KIRREL2: variants seen among roughly 807,000 people sequenced by gnomAD.
KIRREL2 encodes the protein kin of IRRE-like protein 2.
In KIRREL2, 56 loss-of-function variants were observed where a neutral mutation model predicts 73.4. That is an observed-to-expected ratio of 0.76 (90% CI 0.62 to 0.95). KIRREL2 has a LOEUF of 0.95. KIRREL2 is among the 40% of genes least tolerant of loss of function. The probability of loss-of-function intolerance (pLI) is 0.00; values close to 1 mark genes in which losing one functional copy is unlikely to be tolerated. For synonymous variants in KIRREL2, 407 were observed against 404.0 expected, an observed-to-expected ratio of 1.01 and a Z score of -0.09; for missense variants, 896 against 935.0, an observed-to-expected ratio of 0.96 and a Z score of 0.54.
chr19:35,854,281 C>T (rs898647162), upstream of KIRREL2, among the ~76,000 whole-genome samples: 2 of 152,156 alleles, frequency 1.3e-5, no homozygotes, highest in South Asian at 2.1e-4. Context: ...CATGAGCCAC[C>T]GCACCTGGCC....
At chr19:35,851,634 C>T, upstream of KIRREL2, 1 of 1,613,898 alleles carries the variant, frequency 6.2e-7, no homozygotes, top group African/African-American at 1.3e-5. Context: ...GCCCAGAAGC[C>T]CCGGGGAACG....
upstream of KIRREL2, among the ~76,000 whole-genome samples, chr19:35,854,488 A>C (rs1187360740): frequency 6.6e-6 from 1 of 150,822 alleles, no homozygotes; most frequent in Non-Finnish European, 1.5e-5. Context: ...CGCCTGGCTA[A>C]TTTTTTGTAT....
At chr19:35,855,339 C>T (rs73928335), upstream of KIRREL2, among the ~76,000 whole-genome samples, 1,267 of 152,122 alleles carry the variant, frequency 8.3e-3, 12 homozygotes, top group African/African-American at 0.028. Context: ...TGTTTTCCTT[C>T]TCTGCATGCT....
upstream of KIRREL2, among the ~76,000 whole-genome samples, chr19:35,855,694 C>T (rs1157835533): frequency 6.8e-6 from 1 of 148,034 alleles, no homozygotes; most frequent in Non-Finnish European, 1.5e-5. Context: ...CACACACACA[C>T]ACACACACAC....
rs77377154 is a variant in KIRREL2 at position 35,863,027 on chromosome 19, C to G, written c.1716C>G (p.Arg572=). The G allele has an allele frequency of 5.3e-4, 831 of 1,573,792 alleles. 1 individual carries two copies. Among genetic ancestry groups the G allele is most frequent in the Non-Finnish European group, 5.1e-4 (589 of 1,156,638 alleles). ...RGPEEEETGS[R]EDRGPIVHTD... Reference sequence around the variant, plus strand: ...CTGAAGAAGAGGAGACAGGCAGCCGCGAGGACCGGGTAGGATGCCAGGGTC... The same window carrying G: ...CTGAAGAAGAGGAGACAGGCAGCCGGGAGGACCGGGTAGGATGCCAGGGTC... Residue 572 remains arginine (R), a synonymous_variant, in exon 13 of 15, where the codon CGC becomes CGG. Transcript: ENST00000360202.
upstream of KIRREL2, chr19:35,856,638 C>T (rs1599855044): frequency 1.1e-5 from 3 of 266,976 alleles, no homozygotes; most frequent in East Asian, 2.5e-4. This position sits in a 1 kb window ranked among gnomAD's most constrained non-coding sequence, Gnocchi z 5.9. Context: ...CTTCCACTCT[C>T]TCCCTTCCCT....
Position 35,861,218 on chromosome 19 carries a change from C to A in KIRREL2, c.1153C>A (p.Arg385=). Residue 385 remains arginine (R), a synonymous_variant, in exon 9 of 15, where the codon CGG becomes AGG. Coordinates refer to ENST00000360202, the MANE Select transcript of KIRREL2 (RefSeq NM_199180.4). ...AGCTGAGGCTGGGCTATCGGGCCTG[C>A]GGGGCGGCGCCGCGGAGGCTCGGCT... ...CRAEAGLSGL[R]GGAAEARLTV... is the part of the protein sequence containing the mutation. 1.3e-6 allele frequency: 2 copies of A among 1,535,798 alleles called. No homozygotes were observed. Among genetic ancestry groups the A allele is most frequent in the Non-Finnish European group, 1.7e-6 (2 of 1,150,060 alleles).
At chr19:35,866,001 C>T (rs548737907) in intron 14 of KIRREL2, among the ~76,000 whole-genome samples, 156 bp from the exon 15 acceptor site, 90 of 152,284 alleles carry the variant, frequency 5.9e-4, no homozygotes, top group African/African-American at 2.1e-3. Context: ...CTCACTTTCT[C>T]TCTCTCCCAG....
At chr19:35,858,315 G>A (rs952641697) in intron 2 of KIRREL2, 93 bp from the exon 3 acceptor site, 54 of 1,448,686 alleles carry the variant, frequency 3.7e-5, no homozygotes, top group South Asian at 1.2e-5. Context: ...CAAATGTGTG[G>A]GCCAGTTTTC....
chr19:35,853,291 C>T (rs1048717536), upstream of KIRREL2, among the ~76,000 whole-genome samples: 13 of 152,108 alleles, frequency 8.5e-5, no homozygotes, highest in African/African-American at 3.1e-4. Flanking sequence ...GTGTGTGTGA[C>T]AGTGTCTTAC....
In KIRREL2 at chr19:35,861,220, G is replaced by A. The variant is rs1348896699; in HGVS notation, c.1155G>A (p.Arg385=). ...CTGAGGCTGGGCTATCGGGCCTGCGGGGCGGCGCCGCGGAGGCTCGGCTGA... is the reference window on the plus strand; with the variant it reads ...CTGAGGCTGGGCTATCGGGCCTGCGAGGCGGCGCCGCGGAGGCTCGGCTGA... ...CRAEAGLSGL[R]GGAAEARLTV... Residue 385 remains arginine, a synonymous_variant, in exon 9 of 15, where the codon CGG becomes CGA. Coordinates refer to ENST00000360202, the MANE Select transcript of KIRREL2 (RefSeq NM_199180.4). The A allele has an allele frequency of 1.3e-6, 2 of 1,538,252 alleles. No individual in the cohort carries two copies. Among genetic ancestry groups the A allele is most frequent in the African/African-American group, 1.4e-5 (1 of 72,156 alleles).
At chr19:35,856,805 T>G, upstream of KIRREL2, 1 of 431,668 alleles carries the variant, frequency 2.3e-6, no homozygotes, top group East Asian at 4.8e-5. The surrounding 1 kb of genome is among the most constrained non-coding windows in gnomAD (Gnocchi z 5.9). Flanking sequence ...GCGTCCCCCA[T>G]TCATCCGCGT....
upstream of KIRREL2, chr19:35,851,691 G>T (rs115350784): frequency 4.2e-4 from 666 of 1,603,154 alleles, 4 homozygotes; most frequent in African/African-American, 7.8e-3. Flanking sequence ...ACAGCGCGGT[G>T]CAAGGAAAGG....
chr19:35,866,526 A>G lies in KIRREL2; in HGVS notation c.*34A>G. On this transcript the variant is annotated 3_prime_UTR_variant, in exon 15 of 15. Coordinates refer to ENST00000360202, the MANE Select transcript of KIRREL2 (RefSeq NM_199180.4). ...CAATGGAAGAGTCCTGGGATCTCCA[A>G]CTTGCCATAATGGATTGTTCTGATT... is the stretch of plus-strand genomic sequence containing the variant. 1 of 1,613,240 alleles carries G rather than the reference A, an allele frequency of 6.2e-7. No homozygotes were observed. Among genetic ancestry groups the G allele is most frequent in the Admixed American group, 1.7e-5 (1 of 59,848 alleles).
At chr19:35,860,038 G>C (rs1373187802) in intron 5 of KIRREL2, among the ~76,000 whole-genome samples, 1 of 152,172 alleles carries the variant, frequency 6.6e-6, no homozygotes, top group East Asian at 1.9e-4. Context: ...GAGCAGGAGA[G>C]GACAGACAGC....
At position 35,858,717 on chromosome 19, in the gene KIRREL2, C is replaced by T. The variant is rs778454962; in HGVS notation, c.375C>T (p.Ala125=). 10 of 1,614,096 alleles carry T rather than the reference C, an allele frequency of 6.2e-6. No individual in the cohort carries two copies. The South Asian group carries it at 9.9e-5, about 16-fold the overall frequency. The change falls in exon 4 of 15, where the codon GCC becomes GCT. Residue 125 remains alanine, a synonymous_variant. Transcript: ENST00000360202. ...TCCACCTTGCAGTCCCCCCAGAAGC[C>T]CCCCAGGTGCTGGGCGGCCCCTCTG... ...AQLHVLVPPE[A]PQVLGGPSVS... is the part of the protein sequence containing the mutation.
chr19:35,858,271 G>T (rs900276138), intron 2 of KIRREL2, 137 bp from the exon 3 acceptor site: 3 of 977,044 alleles, frequency 3.1e-6, no homozygotes, highest in African/African-American at 1.6e-5. Context: ...GTCTCTCTGG[G>T]CCCAGTACAC....
rs1274739453 is a variant in KIRREL2 at position 35,861,810 on chromosome 19, G to C, written c.1296G>C (p.Trp432Cys). ...TCCCTCTTTTGTGCCCCCAGGTCTG[G>C]TCTTGGGATGAGGGCTTCCTGGAGG... ...FASPAPDAVVWSWDEGFLEAG... is the reference protein window; with the variant it reads ...FASPAPDAVVCSWDEGFLEAG... The change falls in exon 11 of 15, where the codon TGG becomes TGC. Residue 432 changes from tryptophan to cysteine, a missense_variant. Coordinates refer to ENST00000360202, the MANE Select transcript of KIRREL2 (RefSeq NM_199180.4). 1 of 1,588,142 alleles carries C rather than the reference G, an allele frequency of 6.3e-7. No homozygotes were observed. Among genetic ancestry groups the C allele is most frequent in the Non-Finnish European group, 8.6e-7 (1 of 1,167,210 alleles).
chr19:35,854,887 G>C (rs1032624527), upstream of KIRREL2, among the ~76,000 whole-genome samples: 1 of 152,018 alleles, frequency 6.6e-6, no homozygotes, highest in Non-Finnish European at 1.5e-5. Context: ...TCTCCGAGTG[G>C]CTCTGCTCAT....
Sources: gnomAD v4.1 joint callset for allele counts (sites outside exome capture counted in the v4.1 genomes callset) on GRCh38, gnomAD v4.1.1 for gene constraint, Gnocchi (gnomAD v3.1) non-coding constraint, MANE v1.5 for transcripts, NCBI Gene and HGNC (gene_info 2026-07-23, HGNC 2026-07-21) for gene names.